Variants in XRRA1 observed in about 807,000 individuals in gnomAD.
XRRA1 encodes the protein X-ray radiation resistance-associated protein 1.
XRRA1 carries 69 observed loss-of-function variants against 80.2 expected under a neutral mutation model. That is an observed-to-expected ratio of 0.86 (90% CI 0.71 to 1.05). The LOEUF is 1.05. XRRA1 is among the 50% of genes least tolerant of loss of function. The pLI, the probability that XRRA1 is intolerant of heterozygous loss-of-function variation, is 0.00. For missense variants in XRRA1, 967 were observed against 976.4 expected (o/e 0.99, Z 0.13); for synonymous variants, 348 against 389.9 (o/e 0.89, Z 1.27).
chr11:74,913,454 G>A (rs1443186365), intron 8 of XRRA1: 1 of 152,194 alleles, frequency 6.6e-6, no homozygotes, highest in Non-Finnish European at 1.5e-5. Context: ...ATCAAGAGGT[G>A]ACTCCCACTT....
intron 8 of XRRA1, among the ~76,000 whole-genome samples, chr11:74,912,070 C>T (rs1183842007): frequency 6.6e-6 from 1 of 152,184 alleles, no homozygotes; most frequent in Non-Finnish European, 1.5e-5. Context: ...GCAGACTGGT[C>T]CTCTTGCAAA....
rs1413768958 is a variant in XRRA1, at chr11:74,841,969, C to G, written c.*1231G>C. 1 of 151,750 alleles carries G rather than the reference C, an allele frequency of 6.6e-6. No homozygotes were observed. The highest frequency in any genetic ancestry group is 1.9e-4 in the East Asian group (1 of 5,190). The allele number at this position is 151,750 out of a possible 1,614,324, so 9.4% of individuals were successfully genotyped here. A position where few individuals can be genotyped will look rare whatever the true frequency, so the allele number is the denominator to read the frequency against. On this transcript the variant is annotated 3_prime_UTR_variant, in exon 19 of 19. Transcript: ENST00000684022. ...AAAAGTCCTAGTGAGAGAATAGATACTATGCAAGGGAAAAAAATTTAAATG... is the reference window on the plus strand; with the variant it reads ...AAAAGTCCTAGTGAGAGAATAGATAGTATGCAAGGGAAAAAAATTTAAATG...
chr11:74,885,812 C>CA (rs1323541432), intron 10 of XRRA1, among the ~76,000 whole-genome samples: 6 of 152,046 alleles, frequency 3.9e-5, no homozygotes, highest in Admixed American at 1.3e-4. Flanking sequence ...CAAAAATCCT[C>CA]AAAAAAATAC....
chr11:74,926,062 C>T (rs1001079759), intron 7 of XRRA1, among the ~76,000 whole-genome samples: 2 of 152,066 alleles, frequency 1.3e-5, no homozygotes, highest in African/African-American at 4.8e-5. Context: ...CTTACTTTCT[C>T]TCTATTTTAT....
At chr11:74,872,667 G>A (rs1238125934) in intron 10 of XRRA1, among the ~76,000 whole-genome samples, 3 of 152,122 alleles carry the variant, frequency 2.0e-5, no homozygotes, top group African/African-American at 7.2e-5. Context: ...GGAGATGGAG[G>A]TCACTGGGTT....
At chr11:74,850,203 A>T (rs9943586) in intron 14 of XRRA1, among the ~76,000 whole-genome samples, 6,286 of 152,270 alleles carry the variant, frequency 0.041, 136 homozygotes, top group African/African-American at 0.058. Context: ...CTGTTGCTTC[A>T]TCTACTGTGA....
chr11:74,850,303 G>T (rs760892225), intron 14 of XRRA1, among the ~76,000 whole-genome samples: 1 of 152,186 alleles, frequency 6.6e-6, no homozygotes, highest in Non-Finnish European at 1.5e-5. Flanking sequence ...CTCCCTGGCT[G>T]GCTGATGGGA....
intron 7 of XRRA1, 139 bp from the exon 8 acceptor site, chr11:74,921,486 A>G: frequency 8.7e-7 from 1 of 1,147,652 alleles, no homozygotes. Flanking sequence ...TTAATATTCA[A>G]GGTCTACTAG....
intron 10 of XRRA1, among the ~76,000 whole-genome samples, chr11:74,877,731 C>T (rs1346507033): frequency 1.1e-4 from 16 of 151,166 alleles, no homozygotes; most frequent in Admixed American, 5.3e-4. Context: ...TCTGTTCTTG[C>T]GATAGTTTAC....
chr11:74,937,163 G>A, intron 3 of XRRA1, 95 bp from the exon 4 acceptor site: 3 of 1,282,580 alleles, frequency 2.3e-6, no homozygotes, highest in South Asian at 1.5e-5. Flanking sequence ...ACCAAAAATA[G>A]CTCCTGATTA....
chr11:74,852,070 C>A lies in XRRA1; in HGVS notation c.1183G>T (p.Asp395Tyr), dbSNP rs780136444. Residue 395 changes from aspartate (D) to tyrosine (Y), a missense_variant, in exon 13 of 19, where the codon GAT (aspartate) becomes TAT (tyrosine). Physicochemically the swap from Asp to Tyr is radical, Grantham distance 160. Transcript: ENST00000684022. ...AAGAGAGCTACTGGTAGGACAGCAT[C>A]CTCTTTTGCGATCTGTAATGAATGC... ...SLAYNKIAKE[D>Y]AVLPVALFPS... The A allele has an allele frequency of 9.9e-6, 16 of 1,613,754 alleles. No homozygotes were observed. The highest frequency in any genetic ancestry group is 1.3e-5 in the African/African-American group (1 of 74,906).
rs1053465297 is a variant in XRRA1, at chr11:74,882,507, G to C, written c.1004-19486C>G. 5.3e-5 allele frequency among the ~76,000 whole-genome samples: 8 copies of C among 152,298 alleles called. No individual in the cohort carries two copies. The South Asian group carries it at 8.3e-4, about 16-fold the overall frequency. ...GATCGTCTGAAGCCTTCTTCTCTCAGCTCGTCAAAGTCATTCTCCATCCAG... is the reference window on the plus strand; with the variant it reads ...GATCGTCTGAAGCCTTCTTCTCTCACCTCGTCAAAGTCATTCTCCATCCAG... On this transcript the variant is annotated intron_variant, in intron 10 of 18. Coordinates refer to ENST00000684022, the MANE Select transcript of XRRA1 (RefSeq NM_001378157.1).
intron 14 of XRRA1, 137 bp from the exon 15 acceptor site, chr11:74,848,599 T>C: frequency 1.3e-6 from 1 of 742,112 alleles, no homozygotes; most frequent in Non-Finnish European, 2.2e-6. Flanking sequence ...AGGGAAATCA[T>C]ACTTGTTGGG....
chr11:74,897,017 A>T (rs1262649424), intron 10 of XRRA1, among the ~76,000 whole-genome samples: 1 of 152,156 alleles, frequency 6.6e-6, no homozygotes, highest in Non-Finnish European at 1.5e-5. Context: ...TCACCAAATG[A>T]ACTAAATAAG....
chr11:74,865,843 C>G lies in XRRA1; in HGVS notation c.1004-2822G>C, dbSNP rs144384252. On this transcript the variant is annotated intron_variant, in intron 10 of 18. Transcript: ENST00000684022. ...CCAACATTCCCACATAGCCCCAGTC[C>G]TGTGTTTGGGTCTTCCCAGAGCCAT... Among the ~76,000 whole-genome samples the G allele has an allele frequency of 4.9e-3, 753 of 152,360 alleles. 5 individuals are homozygous for G. Among genetic ancestry groups the G allele is most frequent in the African/African-American group, 0.017 (713 of 41,584 alleles).
In XRRA1 at chr11:74,888,269, T is replaced by C. The variant is rs184645666; in HGVS notation, c.1003+17970A>G. ...CAGCAACATCTGCTGTTCACCAATA[T>C]CTGCTGTTCTGCAGCCTCCACCGCT... On this transcript the variant is annotated intron_variant, in intron 10 of 18. Coordinates refer to ENST00000684022, the MANE Select transcript of XRRA1 (RefSeq NM_001378157.1). Among the ~76,000 whole-genome samples the C allele has an allele frequency of 1.4e-4, 21 of 152,206 alleles. No individual in the cohort carries two copies. The East Asian group carries it at 4.1e-3, about 29-fold the overall frequency.
intron 10 of XRRA1, among the ~76,000 whole-genome samples, chr11:74,888,858 A>AAAAAAGAAT (rs2049853319): frequency 6.6e-6 from 1 of 151,642 alleles, no homozygotes; most frequent in Admixed American, 6.5e-5. Flanking sequence ...AAACTGAGAG[A>AAAAAAGAAT]AAAAAGAATA....
At chr11:74,852,653 G>A (rs767423144) in intron 12 of XRRA1, among the ~76,000 whole-genome samples, 20 of 152,190 alleles carry the variant, frequency 1.3e-4, no homozygotes, top group Non-Finnish European at 2.8e-4. Flanking sequence ...AGACCTCATG[G>A]CTGTCTGGGA....
intron 10 of XRRA1, among the ~76,000 whole-genome samples, chr11:74,879,207 T>C: frequency 2.0e-5 from 3 of 150,568 alleles, no homozygotes; most frequent in Non-Finnish European, 3.0e-5. Context: ...TTCCTAGGTA[T>C]TTTATTCTCT....
Sources: gnomAD v4.1 joint callset for allele counts (sites outside exome capture counted in the v4.1 genomes callset) on GRCh38, gnomAD v4.1.1 for gene constraint, MANE v1.5 for transcripts, NCBI Gene and HGNC (gene_info 2026-07-23, HGNC 2026-07-21) for gene names.